ROBO2: variants seen among roughly 807,000 people sequenced by gnomAD.
ROBO2 encodes roundabout homolog 2.
In ROBO2, 53 loss-of-function variants were observed where a neutral mutation model predicts 160.8. That is an observed-to-expected ratio of 0.33 (90% CI 0.26 to 0.41). ROBO2 has a LOEUF of 0.41. Ranked by LOEUF, ROBO2 falls within the 10% of genes least tolerant of loss-of-function variation. The pLI is 1.00. For missense variants in ROBO2, 1,577 were observed against 1,722.4 expected, an observed-to-expected ratio of 0.92 and a Z score of 1.49; for synonymous variants, 664 against 611.7, an observed-to-expected ratio of 1.09 and a Z score of -1.26.
At chr3:76,896,484 A>G (rs569667167) in intron 2 of ROBO2, among the ~76,000 whole-genome samples, 1 of 152,264 alleles carries the variant, frequency 6.6e-6, no homozygotes, top group African/African-American at 2.4e-5. Flanking sequence ...AAATAATAAT[A>G]AATTGGGATA....
chr3:76,520,858 G>A (rs1013661553), intron 2 of ROBO2, among the ~76,000 whole-genome samples: 4 of 152,064 alleles, frequency 2.6e-5, no homozygotes, highest in East Asian at 3.9e-4. Flanking sequence ...TGATTTTAGC[G>A]TCAGGCTTCA....
At chr3:76,359,977 A>T (rs1443167855) in intron 2 of ROBO2, among the ~76,000 whole-genome samples, 1 of 152,072 alleles carries the variant, frequency 6.6e-6, no homozygotes, top group African/African-American at 2.4e-5. Flanking sequence ...CATGCAGCTT[A>T]TGAATTTATG....
chr3:76,439,601 A>C (rs2109099304), intron 2 of ROBO2, among the ~76,000 whole-genome samples: 1 of 152,336 alleles, frequency 6.6e-6, no homozygotes, highest in African/African-American at 2.4e-5. Context: ...AAGCAAAAAC[A>C]AAATAAAACA....
At chr3:76,488,178 A>G (rs1341712219) in intron 2 of ROBO2, among the ~76,000 whole-genome samples, 2 of 152,162 alleles carry the variant, frequency 1.3e-5, no homozygotes, top group Non-Finnish European at 2.9e-5. Flanking sequence ...TGAAAATGCA[A>G]ATGTATGACC....
At chr3:77,503,162 T>A (rs2087873722) in intron 5 of ROBO2, among the ~76,000 whole-genome samples, 1 of 151,978 alleles carries the variant, frequency 6.6e-6, no homozygotes, top group South Asian at 2.1e-4. Flanking sequence ...ACTGCATGCC[T>A]GTATCAAAAC....
intron 2 of ROBO2, among the ~76,000 whole-genome samples, chr3:77,010,149 G>T (rs2061793921): frequency 6.6e-6 from 1 of 151,952 alleles, no homozygotes. Context: ...GCTGAACTTG[G>T]TTGATTTCAG....
At chr3:75,947,941 G>A (rs950263886) in intron 2 of ROBO2, among the ~76,000 whole-genome samples, 3 of 152,030 alleles carry the variant, frequency 2.0e-5, no homozygotes, top group African/African-American at 7.2e-5. Context: ...AGATAAAGAG[G>A]AAGTCCTCAA....
At chr3:76,996,623 T>C (rs901431628) in intron 2 of ROBO2, among the ~76,000 whole-genome samples, 1 of 152,176 alleles carries the variant, frequency 6.6e-6, no homozygotes, top group African/African-American at 2.4e-5. Flanking sequence ...CCTCTTTTTT[T>C]CATTGAGCAG....
chr3:76,020,579 A>G (rs867568377), intron 2 of ROBO2, among the ~76,000 whole-genome samples: 5 of 151,984 alleles, frequency 3.3e-5, no homozygotes, highest in Middle Eastern at 3.4e-3. Context: ...CCCTCTTTAT[A>G]TAACATAGGG....
chr3:77,426,162 G>A (rs2078184808), intron 2 of ROBO2, among the ~76,000 whole-genome samples: 1 of 152,154 alleles, frequency 6.6e-6, no homozygotes, highest in African/African-American at 2.4e-5. Flanking sequence ...TTTGGCTAGG[G>A]TGATGGCAGT....
chr3:77,259,806 T>G (rs1266580625), intron 2 of ROBO2, among the ~76,000 whole-genome samples: 1 of 152,224 alleles, frequency 6.6e-6, no homozygotes, highest in East Asian at 1.9e-4. Context: ...CCCCAACCTC[T>G]AGCTGTTCCA....
chr3:76,624,193 A>G (rs35039377), intron 2 of ROBO2, among the ~76,000 whole-genome samples: 27,260 of 152,144 alleles, frequency 0.18, 2,591 homozygotes, highest in African/African-American at 0.21. Flanking sequence ...TTCACATGTC[A>G]TAAATTGCAA....
At chr3:76,084,575 T>C (rs1229809982) in intron 2 of ROBO2, among the ~76,000 whole-genome samples, 6 of 152,260 alleles carry the variant, frequency 3.9e-5, no homozygotes, top group Non-Finnish European at 7.4e-5. Flanking sequence ...CTCAGTATTA[T>C]TCCACCTGTA....
intron 2 of ROBO2, among the ~76,000 whole-genome samples, chr3:77,327,579 A>G (rs958689973): frequency 6.6e-6 from 1 of 152,176 alleles, no homozygotes; most frequent in Admixed American, 6.5e-5. Flanking sequence ...AAGGCTAAGA[A>G]AAGAAAAATG....
At chr3:77,448,094 C>T (rs1471301284) in intron 2 of ROBO2, among the ~76,000 whole-genome samples, 1 of 152,056 alleles carries the variant, frequency 6.6e-6, no homozygotes, top group Non-Finnish European at 1.5e-5. Context: ...GAGGAGGAGC[C>T]CTTTTCTTTA....
intron 23 of ROBO2, chr3:77,632,417 C>G (rs1262783461): frequency 7.5e-7 from 1 of 1,328,576 alleles, no homozygotes; most frequent in Admixed American, 2.3e-5. Flanking sequence ...ATAGTGTGTA[C>G]AAGCAGATGA....
rs140659991 is a variant in ROBO2 at position 76,010,138 on chromosome 3, C to T, written c.109+72536C>T. ...TAAAACTTAATAAAAATGTCAACTT[C>T]GAAACTTAATGTGCCTGGGGCTTAG... On this transcript the variant is annotated intron_variant, in intron 2 of 26. Coordinates refer to the ROBO2 transcript ENST00000487694. 7.2e-5 allele frequency among the ~76,000 whole-genome samples: 11 copies of T among 152,212 alleles called. 1 individual carries two copies. In the East Asian group the frequency reaches 1.2e-3, roughly 16 times the overall value.
chr3:77,445,801 T>G (rs1049441449), intron 2 of ROBO2, among the ~76,000 whole-genome samples: 116 of 145,200 alleles, frequency 8.0e-4, no homozygotes, highest in Admixed American at 1.5e-3. Flanking sequence ...TTTGTTTTTT[T>G]TTTTTTTTTT....
chr3:77,366,893 A>ACCCCCCC (rs145545683), intron 2 of ROBO2, among the ~76,000 whole-genome samples: 2 of 141,330 alleles, frequency 1.4e-5, no homozygotes, highest in African/African-American at 5.1e-5. Flanking sequence ...CTCTCACAGC[A>ACCCCCCC]CCCCCCCGAC....
Sources: gnomAD v4.1 joint callset for allele counts (sites outside exome capture counted in the v4.1 genomes callset) on GRCh38, gnomAD v4.1.1 for gene constraint, MANE v1.5 for transcripts, NCBI Gene and HGNC (gene_info 2026-07-23, HGNC 2026-07-21) for gene names.